Variants in RBFOX1 observed in about 807,000 individuals in gnomAD.
The protein encoded by RBFOX1 is RNA binding fox-1 homolog 1.
RBFOX1 carries 8 observed loss-of-function variants against 57.7 expected under a neutral mutation model. The observed-to-expected ratio is 0.14, with a 90% confidence interval of 0.08 to 0.25. The LOEUF (loss-of-function observed/expected upper bound fraction) is 0.25. Among genes scored for constraint, RBFOX1 ranks in the 10% least tolerant of loss-of-function variants. The probability of loss-of-function intolerance (pLI) is 1.00; values close to 1 mark genes in which losing one functional copy is unlikely to be tolerated. For missense variants in RBFOX1, 611 were observed against 548.5 expected, an observed-to-expected ratio of 1.11 and a Z score of -1.14; for synonymous variants, 326 against 222.4, an observed-to-expected ratio of 1.47 and a Z score of -4.15.
rs147402260 is a variant in RBFOX1, at chr16:6,717,858, C to A, written c.-16+63208C>A. On this transcript the variant is annotated intron_variant, in intron 3 of 15. Transcript: ENST00000550418. ...CCAGATGGTGTTTCGTGGGATACCCCCTGCCTAGAGCAGATCTGGATATGT... is the reference window on the plus strand; with the variant it reads ...CCAGATGGTGTTTCGTGGGATACCCACTGCCTAGAGCAGATCTGGATATGT... 4.0e-3 allele frequency among the ~76,000 whole-genome samples: 608 copies of A among 152,158 alleles called. 2 individuals are homozygous for A. Among genetic ancestry groups the A allele is most frequent in the Non-Finnish European group, 6.5e-3 (440 of 68,022 alleles).
At chr16:6,624,271 C>G (rs1185079133) in intron 2 of RBFOX1, among the ~76,000 whole-genome samples, 1 of 152,094 alleles carries the variant, frequency 6.6e-6, no homozygotes, top group African/African-American at 2.4e-5. Flanking sequence ...CTCGTTGCTT[C>G]CTTTGCAAAA....
chr16:5,256,817 C>G (rs1431976973), intron 1 of RBFOX1, among the ~76,000 whole-genome samples: 1 of 151,954 alleles, frequency 6.6e-6, no homozygotes, highest in Non-Finnish European at 1.5e-5. Flanking sequence ...GCCTGTAGTC[C>G]CAACTACTCG....
intron 4 of RBFOX1, among the ~76,000 whole-genome samples, chr16:5,929,196 C>T (rs1176594964): frequency 1.3e-5 from 2 of 152,062 alleles, no homozygotes; most frequent in Non-Finnish European, 2.9e-5. Flanking sequence ...TCCTGGTGGG[C>T]CTTCTCACCC....
chr16:7,583,563 A>G (rs2093934010), intron 6 of RBFOX1, among the ~76,000 whole-genome samples: 1 of 152,246 alleles, frequency 6.6e-6, no homozygotes, highest in East Asian at 1.9e-4. Context: ...CTGCTACAAC[A>G]GATGGATGGA....
chr16:7,569,909 C>T (rs968032627), intron 5 of RBFOX1, among the ~76,000 whole-genome samples: 1 of 152,066 alleles, frequency 6.6e-6, no homozygotes, highest in Non-Finnish European at 1.5e-5. Flanking sequence ...GATTTAACTT[C>T]AATTTGAATG....
At chr16:6,652,763 G>A (rs958815247) in intron 2 of RBFOX1, among the ~76,000 whole-genome samples, 8 of 152,096 alleles carry the variant, frequency 5.3e-5, no homozygotes, top group Non-Finnish European at 8.8e-5. Context: ...GGCTCTGGGA[G>A]GGGAAGTGAA....
intron 2 of RBFOX1, among the ~76,000 whole-genome samples, chr16:6,407,160 T>C (rs2093310436): frequency 6.6e-6 from 1 of 152,190 alleles, no homozygotes; most frequent in South Asian, 2.1e-4. Flanking sequence ...ATATTATTTG[T>C]ATCTGTATCT....
At chr16:7,264,072 G>A (rs775017827) in intron 4 of RBFOX1, among the ~76,000 whole-genome samples, 44 of 152,136 alleles carry the variant, frequency 2.9e-4, no homozygotes, top group Non-Finnish European at 6.5e-4. Context: ...TTTTGTCATT[G>A]TTACCCTGTT....
intron 2 of RBFOX1, among the ~76,000 whole-genome samples, chr16:5,481,218 G>T (rs553783229): frequency 6.6e-6 from 1 of 152,290 alleles, no homozygotes; most frequent in South Asian, 2.1e-4. Context: ...TTCCTCATTA[G>T]ACTGGTGTAA....
At chr16:5,435,135 T>G (rs538263802) in intron 1 of RBFOX1, among the ~76,000 whole-genome samples, 1 of 152,370 alleles carries the variant, frequency 6.6e-6, no homozygotes, top group East Asian at 1.9e-4. Context: ...ATTATCTGTT[T>G]CTTCTCTAGC....
rs922344976 is a variant in RBFOX1 at position 6,802,127 on chromosome 16, G to T, written c.-16+147477G>T. ...CTGTTAAGAAATCCTTCAGTATCTT[G>T]TCAGGATTTAAGCCCCAGGAAAGGC... On this transcript the variant is annotated intron_variant, in intron 3 of 15. Transcript: ENST00000550418. 2.0e-5 allele frequency among the ~76,000 whole-genome samples: 3 copies of T among 151,956 alleles called. No homozygotes were observed. In the East Asian group the frequency reaches 5.8e-4, roughly 29 times the overall value.
At position 5,458,356 on chromosome 16, in the gene RBFOX1, G is replaced by T. The variant is rs2151587904; in HGVS notation, c.220-8860G>T. On this transcript the variant is annotated intron_variant, in intron 1 of 2. Coordinates refer to the RBFOX1 transcript ENST00000585867. ...AAACGGTGGGGAGGAAGGGGGTTGAGGGTCTGTGGATGGGTGGTGTAGCCG... is the reference window on the plus strand; with the variant it reads ...AAACGGTGGGGAGGAAGGGGGTTGATGGTCTGTGGATGGGTGGTGTAGCCG... 3.3e-5 allele frequency among the ~76,000 whole-genome samples: 5 copies of T among 152,226 alleles called. 1 individual carries two copies. In the Middle Eastern group the frequency reaches 0.017, roughly 521 times the overall value.
intron 2 of RBFOX1, among the ~76,000 whole-genome samples, chr16:6,631,827 G>A (rs963613128): frequency 3.9e-5 from 6 of 152,128 alleles, no homozygotes; most frequent in Middle Eastern, 6.8e-3. Flanking sequence ...TAGAGCGGGT[G>A]CATGCAAACA....
Position 5,727,304 on chromosome 16 carries a change from A to G in RBFOX1, c.318+128343A>G, listed in dbSNP as rs554025305. On this transcript the variant is annotated intron_variant, in intron 3 of 19. Coordinates refer to the RBFOX1 transcript ENST00000641259. Reference sequence around the variant, plus strand: ...AATGAAAAACAAACAAACAAATAAAACCATGATGTGAAGACTGACTTTACT... The same window carrying G: ...AATGAAAAACAAACAAACAAATAAAGCCATGATGTGAAGACTGACTTTACT... Among the ~76,000 whole-genome samples the G allele has an allele frequency of 1.6e-3, 240 of 152,166 alleles. 2 individuals are homozygous for G. The highest frequency in any genetic ancestry group is 5.5e-3 in the African/African-American group (227 of 41,530).
At chr16:5,783,820 A>G (rs1298348783) in intron 3 of RBFOX1, among the ~76,000 whole-genome samples, 1 of 152,116 alleles carries the variant, frequency 6.6e-6, no homozygotes, top group Non-Finnish European at 1.5e-5. Context: ...CCTAGTGCAT[A>G]TTTTGGCTCT....
intron 10 of RBFOX1, among the ~76,000 whole-genome samples, chr16:7,626,256 G>A (rs1316477971): frequency 6.6e-6 from 1 of 152,184 alleles, no homozygotes; most frequent in Admixed American, 6.5e-5. Context: ...GTCTGTGATG[G>A]GAAACATCCC....
At chr16:7,443,928 C>G (rs2149984923) in intron 4 of RBFOX1, among the ~76,000 whole-genome samples, 1 of 152,288 alleles carries the variant, frequency 6.6e-6, no homozygotes, top group South Asian at 2.1e-4. Flanking sequence ...CCTTTGTTGC[C>G]TGAGGCATTC....
Position 7,181,746 on chromosome 16 carries a change from A to G in RBFOX1, c.27+129648A>G, listed in dbSNP as rs554165563. 2.2e-4 allele frequency among the ~76,000 whole-genome samples: 33 copies of G among 152,110 alleles called. 1 individual carries two copies. The highest frequency in any genetic ancestry group is 1.6e-3 in the Admixed American group (24 of 15,258). On this transcript the variant is annotated intron_variant, in intron 4 of 15. Transcript: ENST00000550418. ...GGCTAGGTTTTTGTATTTTTGGTAG[A>G]GACACAGTCTTGCCATGTTACCCAG...
intron 3 of RBFOX1, among the ~76,000 whole-genome samples, chr16:7,014,515 A>G (rs2093809483): frequency 6.6e-6 from 1 of 151,966 alleles, no homozygotes; most frequent in South Asian, 2.1e-4. Flanking sequence ...TGCTAGGATT[A>G]CAGTGATAAG....
Sources: allele counts gnomAD v4.1 joint callset (sites outside exome capture counted in the v4.1 genomes callset), GRCh38; gene constraint gnomAD v4.1.1; transcripts MANE v1.5; gene names NCBI Gene and HGNC (gene_info 2026-07-23, HGNC 2026-07-21).